GEMIN5: variants seen among roughly 807,000 people sequenced by gnomAD.
The protein encoded by GEMIN5 is gem-associated protein 5.
A neutral mutation model predicts 176.9 loss-of-function variants in GEMIN5; 124 were observed. That is an observed-to-expected ratio of 0.70 (90% CI 0.61 to 0.81). The LOEUF (loss-of-function observed/expected upper bound fraction) is 0.81, where lower values mean the gene tolerates loss of function less well. Ranked by LOEUF, GEMIN5 falls within the 40% of genes least tolerant of loss-of-function variation. GEMIN5 has a pLI of 0.00. For synonymous variants in GEMIN5, 673 were observed against 665.2 expected (o/e 1.01, Z -0.18); for missense variants, 1,843 against 1,814.6 (o/e 1.02, Z -0.28).
At chr5:154,904,678 C>T in intron 17 of GEMIN5, 49 bp from the exon 18 acceptor site, 4 of 1,483,478 alleles carry the variant, frequency 2.7e-6, no homozygotes, top group Non-Finnish European at 3.8e-6. Flanking sequence ...TGATCAGAAA[C>T]ATAAAACGGA....
chr5:154,895,963 C>T (rs1561709934), intron 24 of GEMIN5, 129 bp downstream of exon 24: 11 of 962,714 alleles, frequency 1.1e-5, no homozygotes, highest in Admixed American at 7.1e-5. Flanking sequence ...TTCCAGGTGG[C>T]GTGGCCATGC....
Position 154,912,933 on chromosome 5 carries a change from C to T in GEMIN5, c.1961G>A (p.Arg654Lys). The T allele has an allele frequency of 6.2e-7, 1 of 1,613,996 alleles. No homozygotes were observed. The highest frequency in any genetic ancestry group is 1.3e-5 in the African/African-American group (1 of 75,052). ...SVAWSPHHDGRLVSASYDGTA... is the reference protein window; with the variant it reads ...SVAWSPHHDGKLVSASYDGTA... ...ACCATCATAGGAAGCAGATACCAGC[C>T]TTCCATCATGATGTGGGCTCCACGC... The change falls in exon 14 of 28, where the codon AGG becomes AAG. Residue 654 changes from arginine to lysine, a missense_variant. Arg to Lys is a conservative substitution (Grantham distance 26). Coordinates refer to ENST00000285873, the MANE Select transcript of GEMIN5 (RefSeq NM_015465.5).
rs1763894701 is a variant in GEMIN5, at chr5:154,920,107, T to C, written c.1463-4A>G. On this transcript the variant is annotated splice_region_variant and splice_polypyrimidine_tract_variant and intron_variant, in intron 10 of 27. Transcript: ENST00000285873. ...GAAGGTCTGTCTCCTTCTCCTCCTG[T>C]ATGAAATAAGAAAAGAAACTTATCA... The C allele has an allele frequency of 6.2e-7, 1 of 1,605,542 alleles. No homozygotes were observed. Among genetic ancestry groups the C allele is most frequent in the African/African-American group, 1.3e-5 (1 of 74,394 alleles).
In GEMIN5 at chr5:154,888,097, GA is replaced by G; in HGVS notation, c.*112del. 2.0e-6 allele frequency: 2 copies of G among 980,964 alleles called. No individual in the cohort carries two copies. Among genetic ancestry groups the G allele is most frequent in the East Asian group, 4.8e-5 (2 of 41,486 alleles). The allele number at this position is 980,964 out of a possible 1,614,324, so 60.8% of individuals were successfully genotyped here. On this transcript the variant is annotated 3_prime_UTR_variant, in exon 28 of 28. Coordinates refer to ENST00000285873, the MANE Select transcript of GEMIN5 (RefSeq NM_015465.5). Reference sequence around the variant, plus strand: ...CTTAATCCTTGTTTGTATTCTTTTGGATTACTGCAAAAACATCTAGGGACCA... The same window carrying G: ...CTTAATCCTTGTTTGTATTCTTTTGGTTACTGCAAAAACATCTAGGGACCA...
intron 13 of GEMIN5, among the ~76,000 whole-genome samples, chr5:154,914,161 T>C (rs1167965063): frequency 1.3e-5 from 2 of 152,026 alleles, no homozygotes; most frequent in African/African-American, 2.4e-5. Context: ...GCTGGGATTA[T>C]AGGCATGCAC....
In GEMIN5 at chr5:154,898,622, C is replaced by CA. The variant is rs1256870057; in HGVS notation, c.3162dup (p.Ala1055CysfsTer15). The CA allele has an allele frequency of 6.2e-7, 1 of 1,613,752 alleles. No homozygotes were observed. Among genetic ancestry groups the CA allele is most frequent in the Non-Finnish European group, 8.5e-7 (1 of 1,179,654 alleles). On this transcript the variant is annotated frameshift_variant, in exon 23 of 28. Coordinates refer to ENST00000285873, the MANE Select transcript of GEMIN5 (RefSeq NM_015465.5). LOFTEE classifies it high-confidence loss of function. ...CCCTTTTTGGCCAAAACTTTGGCTG[C>CA]ATCATAAGCACAAGTGGCCCCTAAA...
intron 24 of GEMIN5, among the ~76,000 whole-genome samples, chr5:154,894,265 T>C (rs898236500): frequency 1.3e-5 from 2 of 152,124 alleles, no homozygotes; most frequent in African/African-American, 4.8e-5. Flanking sequence ...TTAAACAGTA[T>C]AGTATTTCAC....
intron 3 of GEMIN5, among the ~76,000 whole-genome samples, chr5:154,935,166 CCCA>C (rs1764241870): frequency 6.6e-6 from 1 of 152,168 alleles, no homozygotes; most frequent in East Asian, 1.9e-4. Flanking sequence ...CTCCCTTGAC[CCCA>C]TCTATCCCCT....
At chr5:154,924,125 C>G (rs572504720) in intron 9 of GEMIN5, among the ~76,000 whole-genome samples, 12 of 152,168 alleles carry the variant, frequency 7.9e-5, no homozygotes, top group Non-Finnish European at 1.6e-4. Flanking sequence ...ACTCGGAACT[C>G]TGGTGTGTAT....
At chr5:154,918,865 G>A (rs1763863781) in intron 11 of GEMIN5, among the ~76,000 whole-genome samples, 1 of 151,860 alleles carries the variant, frequency 6.6e-6, no homozygotes, top group Admixed American at 6.6e-5. Flanking sequence ...CCAACATGGT[G>A]AAACCCTGTC....
rs1264906657 is a variant in GEMIN5 at position 154,889,430 on chromosome 5, A to G, written c.4263-13T>C. The G allele has an allele frequency of 1.1e-5, 16 of 1,476,054 alleles. No homozygotes were observed. The highest frequency in any genetic ancestry group is 5.0e-5 in the Admixed American group (3 of 59,648). 91.4% of individuals were successfully genotyped at this position (1,476,054 alleles called of 1,614,324 possible). On this transcript the variant is annotated splice_polypyrimidine_tract_variant and intron_variant, in intron 26 of 27. Coordinates refer to ENST00000285873, the MANE Select transcript of GEMIN5 (RefSeq NM_015465.5). ...TTTTTCTTCTTTACTAGTGAAAAAA[A>G]TAAAAGGTGTAAATTGTATGTCTTG...
intron 14 of GEMIN5, among the ~76,000 whole-genome samples, chr5:154,912,104 A>T (rs536126274): frequency 6.6e-6 from 1 of 152,218 alleles, no homozygotes. Context: ...GGAGATGCAT[A>T]GACATTTCTA....
chr5:154,921,374 G>C lies in GEMIN5; in HGVS notation c.1431C>G (p.Ala477=), dbSNP rs895676752. ...ACATGGGGGGTACTGGTGGCCCCCA[G>C]GCTAAAGTATATACAGTCTTCTTAT... ...TYHKKTVYTL[A]WGPPVPPMSL... The change falls in exon 10 of 28, where the codon GCC becomes GCG. Residue 477 remains alanine, a synonymous_variant. Transcript: ENST00000285873. 2.7e-6 allele frequency: 4 copies of C among 1,489,414 alleles called. No homozygotes were observed. The African/African-American group carries it at 4.2e-5, about 16-fold the overall frequency. 92.3% of individuals were successfully genotyped at this position (1,489,414 alleles called of 1,614,324 possible).
chr5:154,926,386 T>C (rs1424266296), intron 7 of GEMIN5, among the ~76,000 whole-genome samples: 2 of 152,128 alleles, frequency 1.3e-5, no homozygotes, highest in Non-Finnish European at 2.9e-5. Context: ...GGTAACCCCC[T>C]CATTTGGCAA....
intron 3 of GEMIN5, among the ~76,000 whole-genome samples, 164 bp from the exon 4 acceptor site, chr5:154,932,414 T>C (rs1226562568): frequency 6.6e-6 from 1 of 152,224 alleles, no homozygotes; most frequent in Non-Finnish European, 1.5e-5. Flanking sequence ...TTTTTCCTTT[T>C]TTTAAAGTGC....
At chr5:154,903,281 TGAGA>T in intron 18 of GEMIN5, 106 bp from the exon 19 acceptor site, 1 of 720,926 alleles carries the variant, frequency 1.4e-6, no homozygotes. Context: ...CTTCAGACAC[TGAGA>T]GAATCAGAGC....
At chr5:154,893,694 T>C (rs1009679327) in intron 24 of GEMIN5, among the ~76,000 whole-genome samples, 2 of 152,216 alleles carry the variant, frequency 1.3e-5, no homozygotes, top group Admixed American at 6.5e-5. Context: ...CCACAGAGTA[T>C]ATAGTCTTTT....
chr5:154,933,854 C>G (rs1246134194), intron 3 of GEMIN5, among the ~76,000 whole-genome samples: 1 of 152,052 alleles, frequency 6.6e-6, no homozygotes, highest in African/African-American at 2.4e-5. Flanking sequence ...CTCCTGCCTA[C>G]CACCTTTCTG....
At chr5:154,912,064 T>C (rs1171155022) in intron 14 of GEMIN5, among the ~76,000 whole-genome samples, 166 bp from the exon 15 acceptor site, 2 of 152,112 alleles carry the variant, frequency 1.3e-5, no homozygotes, top group African/African-American at 2.4e-5. Flanking sequence ...TTCAGAAGAG[T>C]GCTATTTCCT....
Sources: gnomAD v4.1 joint callset for allele counts (sites outside exome capture counted in the v4.1 genomes callset) on GRCh38, gnomAD v4.1.1 for gene constraint, MANE v1.5 for transcripts, NCBI Gene and HGNC (gene_info 2026-07-23, HGNC 2026-07-21) for gene names.